Variants in PGAP6 observed in about 807,000 individuals in gnomAD.
PGAP6 encodes post-GPI attachment to proteins 6.
In PGAP6, 62 loss-of-function variants were observed where a neutral mutation model predicts 68.4. The observed-to-expected ratio is 0.91, with a 90% CI of 0.74 to 1.12. The LOEUF (loss-of-function observed/expected upper bound fraction) is 1.12. PGAP6 is among the 50% of genes most tolerant of loss of function. PGAP6 has a pLI of 0.00. For synonymous variants in PGAP6, 575 were observed against 474.0 expected (o/e 1.21, Z -2.77); for missense variants, 1,188 against 1,068.5 (o/e 1.11, Z -1.56).
upstream of PGAP6, among the ~76,000 whole-genome samples, chr16:385,557 C>T (rs1223017772): frequency 3.3e-5 from 5 of 150,366 alleles, no homozygotes; most frequent in African/African-American, 4.9e-5. Flanking sequence ...ATGATCCGCC[C>T]GCCTCGGCCT....
chr16:380,358 TTC>T (rs1324532354), intron 1 of PGAP6, among the ~76,000 whole-genome samples: 2 of 144,508 alleles, frequency 1.4e-5, no homozygotes, highest in African/African-American at 5.3e-5. Flanking sequence ...TTATTTTTTT[TTC>T]TTTCTGTCTT....
In PGAP6 at chr16:377,080, C is replaced by T. The variant is rs78314739; in HGVS notation, c.592G>A (p.Val198Met). The change falls in exon 4 of 13, where the codon GTG (valine) becomes ATG (methionine). Residue 198 changes from valine (V) to methionine (M), a missense_variant. Coordinates refer to ENST00000431232, the MANE Select transcript of PGAP6 (RefSeq NM_021259.3). The part of the protein sequence containing the change: ...VVEISIMEPD[V>M]PLPQTLLSHP... ...GAGAGGAGGGTCTGAGGAAGGGGCA[C>T]GTCCGGCTCCATGATGGAAATCTCG... The T allele has an allele frequency of 1.6e-3, 2,577 of 1,613,458 alleles. 46 individuals are homozygous for T. In the African/African-American group the frequency reaches 0.03, roughly 19 times the overall value.
In PGAP6 at chr16:372,625, T is replaced by C; in HGVS notation, c.2005A>G (p.Met669Val). The C allele has an allele frequency of 6.2e-7, 1 of 1,611,852 alleles. No individual in the cohort carries two copies. The highest frequency in any genetic ancestry group is 1.3e-5 in the African/African-American group (1 of 75,008). The change falls in exon 12 of 13, where the codon ATG becomes GTG. Residue 669 changes from methionine to valine, a missense_variant. By Grantham distance (21) the Met-to-Val change is conservative. Transcript: ENST00000431232. The stretch of plus-strand genomic sequence containing the variant: ...CGGCTCCTTACCCACATGGAGGCCA[T>C]GATCACGAAGGCAAAGAGGCAGGGC... ...LGPCLFAFVIMASMWAYRCGH... is the reference protein window; with the variant it reads ...LGPCLFAFVIVASMWAYRCGH...
chr16:386,445 G>C (rs184463955), upstream of PGAP6, among the ~76,000 whole-genome samples: 1 of 151,932 alleles, frequency 6.6e-6, no homozygotes, highest in African/African-American at 2.4e-5. Context: ...ACTCCGCCCC[G>C]AGTTTCCTGA....
In PGAP6 at chr16:377,040, A is replaced by G; in HGVS notation, c.632T>C (p.Leu211Pro). 6.2e-7 allele frequency: 1 copy of G among 1,612,834 alleles called. No individual in the cohort carries two copies. Among genetic ancestry groups the G allele is most frequent in the Non-Finnish European group, 8.5e-7 (1 of 1,179,854 alleles). ...PQTLLSHPSY[L>P]KVFVPDYTRE... Reference sequence around the variant, plus strand: ...TGCCCCCCAGGCCCCCGCTCACTTGAGGTAGCTGGGATGGGAGAGGAGGGT... The same window carrying G: ...TGCCCCCCAGGCCCCCGCTCACTTGGGGTAGCTGGGATGGGAGAGGAGGGT... The change falls in exon 4 of 13, where the codon CTC becomes CCC. Residue 211 changes from leucine to proline, a missense_variant. Transcript: ENST00000431232.
chr16:379,389 C>T (rs1043707496), intron 1 of PGAP6, among the ~76,000 whole-genome samples: 1 of 152,238 alleles, frequency 6.6e-6, no homozygotes, highest in Non-Finnish European at 1.5e-5. Flanking sequence ...GGCGTGGCGA[C>T]TGGGCAGGGG....
chr16:373,875 C>T, intron 11 of PGAP6, 130 bp downstream of exon 11: 1 of 1,197,796 alleles, frequency 8.3e-7, no homozygotes, highest in Non-Finnish European at 1.1e-6. Flanking sequence ...CCATGCTCGG[C>T]CGAGATGTGA....
upstream of PGAP6, chr16:383,400 G>A (rs2054461442): frequency 6.6e-6 from 1 of 152,246 alleles, no homozygotes; most frequent in East Asian, 1.9e-4. Flanking sequence ...CCTTCCCTCG[G>A]GAATTCCACC....
rs201185483 is a variant in PGAP6, at chr16:377,551, G to A, written c.334C>T (p.Pro112Ser). 19 of 1,587,426 alleles carry A rather than the reference G, an allele frequency of 1.2e-5. No homozygotes were observed. The highest frequency in any genetic ancestry group is 1.6e-5 in the Non-Finnish European group (19 of 1,167,456). ...TCGTCCGGGAAGCTGGTGCCCAGCGGGTTGATGACCGGAGGGGCGCCGGAA... is the reference window on the plus strand; with the variant it reads ...TCGTCCGGGAAGCTGGTGCCCAGCGAGTTGATGACCGGAGGGGCGCCGGAA... Reference protein sequence around the residue: ...FRSGAPPVINPLGTSFPDDTA... With the variant: ...FRSGAPPVINSLGTSFPDDTA... Residue 112 changes from proline (P) to serine (S), a missense_variant, in exon 3 of 13, where the codon CCG becomes TCG. Physicochemically the swap from Pro to Ser is moderately conservative, Grantham distance 74 (BLOSUM62 -1). Transcript: ENST00000431232.
In PGAP6 at chr16:371,625, A is replaced by G. The variant is rs1352925423; in HGVS notation, c.*362T>C. The G allele has an allele frequency of 2.8e-5, 6 of 216,986 alleles. No individual in the cohort carries two copies. Among genetic ancestry groups the G allele is most frequent in the Non-Finnish European group, 5.5e-5 (6 of 108,556 alleles). 13.4% of individuals were successfully genotyped at this position (216,986 alleles called of 1,614,324 possible). A position where few individuals can be genotyped will look rare whatever the true frequency, so the allele number is the denominator to read the frequency against. On this transcript the variant is annotated 3_prime_UTR_variant, in exon 13 of 13. Transcript: ENST00000431232. ...CCATGGGTCTCACCACAGCCTCGCC[A>G]GGGAACAGGACCATAGGGAGTCCTT...
intron 1 of PGAP6, among the ~76,000 whole-genome samples, chr16:379,849 G>A (rs1597165328): frequency 6.6e-6 from 1 of 152,204 alleles, no homozygotes; most frequent in East Asian, 1.9e-4. Flanking sequence ...AGGCTGTTAG[G>A]GGTGCTCTGA....
At position 381,769 on chromosome 16, in the gene PGAP6, G is replaced by A; in HGVS notation, c.53C>T (p.Ala18Val). The A allele has an allele frequency of 5.0e-6, 6 of 1,192,204 alleles. No homozygotes were observed. The highest frequency in any genetic ancestry group is 6.2e-6 in the Non-Finnish European group (6 of 961,546). 73.9% of individuals were successfully genotyped at this position (1,192,204 alleles called of 1,614,324 possible). A position where few individuals can be genotyped will look rare whatever the true frequency, so the allele number is the denominator to read the frequency against. The change falls in exon 1 of 13, where the codon GCG becomes GTG. Residue 18 changes from alanine to valine, a missense_variant. Physicochemically the swap from Ala to Val is moderately conservative, Grantham distance 64. Coordinates refer to ENST00000431232, the MANE Select transcript of PGAP6 (RefSeq NM_021259.3). Reference sequence around the variant, plus strand: ...AAGCAGCAGCAGCAGCAGCGGCCCCGCCACCACCGCGGCCACCGCCTCGCC... The same window carrying A: ...AAGCAGCAGCAGCAGCAGCGGCCCCACCACCACCGCGGCCACCGCCTCGCC... ...TGGEAVAAVV[A>V]GPLLLLLLAR... is the part of the protein sequence containing the mutation.
At chr16:380,216 G>A (rs952611613) in intron 1 of PGAP6, among the ~76,000 whole-genome samples, 14 of 152,208 alleles carry the variant, frequency 9.2e-5, no homozygotes, top group African/African-American at 2.2e-4. Flanking sequence ...AGTTTCCAAC[G>A]GAGTAAGGTT....
In PGAP6 at chr16:374,273, C is replaced by T. The variant is rs527866482; in HGVS notation, c.1703G>A (p.Arg568Gln). The stretch of plus-strand genomic sequence containing the variant: ...GACGGAGGCCTCCACCAGGAAGAAT[C>T]GCCGCACTGAGACGGCGATGGGGGC... ...FLAPIAVSVR[R>Q]FFLVEASVYA... The change falls in exon 10 of 13, where the codon CGA (arginine) becomes CAA (glutamine). Residue 568 changes from arginine to glutamine, a missense_variant. By Grantham distance (43) the Arg-to-Gln change is conservative. Coordinates refer to ENST00000431232, the MANE Select transcript of PGAP6 (RefSeq NM_021259.3). 96 of 1,607,682 alleles carry T rather than the reference C, an allele frequency of 6.0e-5. 1 individual carries two copies. The Middle Eastern group carries it at 2.0e-3, about 33-fold the overall frequency.
At chr16:376,480 C>G in intron 5 of PGAP6, 25 bp from the exon 6 acceptor site, 1 of 1,547,184 alleles carries the variant, frequency 6.5e-7, no homozygotes, top group Non-Finnish European at 8.7e-7. Context: ...AGGGGTTTGG[C>G]TGGAGGAAAG....
At chr16:378,351 GACTGCCATCCCCACCCGC>G (rs1567325840) in intron 1 of PGAP6, among the ~76,000 whole-genome samples, 107 of 6,572 alleles carry the variant, frequency 0.016, 1 homozygote, top group Non-Finnish European at 0.021. Flanking sequence ...TCGCCACTCT[GACTGCCATCCCCACCCGC>G]ACTGCCATCG....
At chr16:383,841 G>A (rs2054464642), upstream of PGAP6, among the ~76,000 whole-genome samples, 1 of 134,260 alleles carries the variant, frequency 7.4e-6, no homozygotes. Context: ...AGCGGGTGGT[G>A]AGGGTTTACG....
At chr16:386,588 A>G, upstream of PGAP6, 1 of 333,986 alleles carries the variant, frequency 3.0e-6, no homozygotes, top group South Asian at 2.5e-5. Context: ...AGAGTTTCAC[A>G]GACAGAAATA....
upstream of PGAP6, chr16:384,399 G>A (rs1166064610): frequency 6.6e-6 from 1 of 152,280 alleles, no homozygotes. Context: ...AGACTCTTCT[G>A]TAACAGGAAA....
Sources: gnomAD v4.1 joint callset for allele counts (sites outside exome capture counted in the v4.1 genomes callset) on GRCh38, gnomAD v4.1.1 for gene constraint, MANE v1.5 for transcripts, NCBI Gene and HGNC (gene_info 2026-07-23, HGNC 2026-07-21) for gene names.